Variants in AKAP13 observed in about 807,000 individuals in gnomAD.
AKAP13 encodes A-kinase anchor protein 13.
AKAP13 carries 80 observed loss-of-function variants against 264.5 expected under a neutral mutation model. The observed-to-expected ratio is 0.30, with a 90% CI of 0.25 to 0.36. The LOEUF is 0.36. Ranked by LOEUF, AKAP13 falls within the 10% of genes least tolerant of loss-of-function variation. The pLI is 1.00. For missense variants in AKAP13, 3,712 were observed against 3,435.2 expected (o/e 1.08, Z -2.01); for synonymous variants, 1,380 against 1,250.2 (o/e 1.10, Z -2.19).
rs143127264 is a variant in AKAP13 at position 85,727,932 on chromosome 15, T to C, written c.7087+469T>C. 5.4e-4 allele frequency among the ~76,000 whole-genome samples: 83 copies of C among 152,354 alleles called. No homozygotes were observed. The East Asian group carries it at 0.012, about 22-fold the overall frequency. On this transcript the variant is annotated intron_variant, in intron 29 of 36. Transcript: ENST00000394518. The surrounding 1 kb of genome is among the most constrained non-coding windows in gnomAD (Gnocchi z 5.3). ...GGTGAAGTTTTGGGAGCAGGGTATG[T>C]ATCAATCTATGTTTGACCCTTATTT...
Position 85,730,725 on chromosome 15 carries a change from T to C in AKAP13, c.7282+18T>C, listed in dbSNP as rs552309216. ...AAATGAGGGTAATTAACATTCAGCA[T>C]TGCCCCCTCTTCATCTACTCCCAGA... On this transcript the variant is annotated intron_variant, in intron 30 of 36. Transcript: ENST00000394518. The C allele has an allele frequency of 1.2e-5, 19 of 1,597,984 alleles. No individual in the cohort carries two copies. In the South Asian group the frequency reaches 1.9e-4, roughly 16 times the overall value.
intron 2 of AKAP13, among the ~76,000 whole-genome samples, chr15:85,497,948 A>G (rs2075919996): frequency 6.6e-6 from 1 of 151,898 alleles, no homozygotes; most frequent in African/African-American, 2.4e-5. Flanking sequence ...TCACCGTTAC[A>G]GCACACAGAA....
intron 2 of AKAP13, among the ~76,000 whole-genome samples, 176 bp downstream of exon 2, chr15:85,485,929 T>C (rs1389906250): frequency 1.3e-5 from 2 of 152,254 alleles, no homozygotes; most frequent in African/African-American, 4.8e-5. Context: ...ACTAAATGGC[T>C]AATCTGTGCA....
intron 1 of AKAP13, among the ~76,000 whole-genome samples, chr15:85,454,120 T>G (rs1196194355): frequency 6.6e-6 from 1 of 152,192 alleles, no homozygotes; most frequent in Non-Finnish European, 1.5e-5. Flanking sequence ...AAGTGGGTCC[T>G]GTGGGCTCTT....
chr15:85,648,067 C>T (rs970687864), intron 10 of AKAP13, among the ~76,000 whole-genome samples: 3 of 151,792 alleles, frequency 2.0e-5, no homozygotes, highest in African/African-American at 4.8e-5. Context: ...ATTTCCACTG[C>T]GACTTTCGAG....
intron 4 of AKAP13, among the ~76,000 whole-genome samples, chr15:85,537,287 A>G (rs2077433969): frequency 6.6e-6 from 1 of 152,238 alleles, no homozygotes; most frequent in African/African-American, 2.4e-5. Flanking sequence ...ATAGGTATTT[A>G]AAGGAGAAAG....
At chr15:85,451,735 CT>C (rs778722302) in intron 1 of AKAP13, among the ~76,000 whole-genome samples, 10 of 152,254 alleles carry the variant, frequency 6.6e-5, no homozygotes, top group Non-Finnish European at 1.3e-4. Context: ...GAGAGATCCA[CT>C]GTTAGCCTGA....
In AKAP13 at chr15:85,428,480, T is replaced by A. The variant is rs375090675; in HGVS notation, c.-12+47682T>A. Among the ~76,000 whole-genome samples the A allele has an allele frequency of 1.4e-4, 22 of 152,364 alleles. No homozygotes were observed. The East Asian group carries it at 3.7e-3, about 25-fold the overall frequency. The stretch of plus-strand genomic sequence containing the variant: ...TCCCAAAGTGCTGGGATTACAGGCA[T>A]GAGCCACCTCGCCTGGCCTTACCCT... On this transcript the variant is annotated intron_variant, in intron 1 of 36. Transcript: ENST00000394518.
At chr15:85,624,291 G>T (rs989503860) in intron 8 of AKAP13, among the ~76,000 whole-genome samples, 2 of 152,144 alleles carry the variant, frequency 1.3e-5, no homozygotes, top group African/African-American at 4.8e-5. Flanking sequence ...TAAAAGATTT[G>T]CAACTGTGTT....
intron 5 of AKAP13, among the ~76,000 whole-genome samples, chr15:85,572,232 C>A (rs1450966437): frequency 6.6e-6 from 1 of 152,084 alleles, no homozygotes; most frequent in Non-Finnish European, 1.5e-5. Flanking sequence ...GTATATAAAG[C>A]AGGTTTTGTT....
chr15:85,719,920 A>C lies in AKAP13; in HGVS notation c.6252+594A>C, dbSNP rs988013192. Reference sequence around the variant, plus strand: ...ACAGAGTGATACTCTGTCTCAAAAAAAAAAAAATTGAAAATTATTTAAATA... The same window carrying C: ...ACAGAGTGATACTCTGTCTCAAAAACAAAAAAATTGAAAATTATTTAAATA... On this transcript the variant is annotated intron_variant, in intron 23 of 36. Transcript: ENST00000394518. Among the ~76,000 whole-genome samples the C allele has an allele frequency of 2.0e-5, 3 of 151,830 alleles. No individual in the cohort carries two copies. In the East Asian group the frequency reaches 5.8e-4, roughly 29 times the overall value.
intron 27 of AKAP13, 178 bp from the exon 28 acceptor site, chr15:85,726,888 C>CT (rs901500451): frequency 2.9e-6 from 2 of 680,294 alleles, no homozygotes; most frequent in East Asian, 2.8e-5. Flanking sequence ...CTTTTGAAAT[C>CT]TTTTTTTGTT....
At chr15:85,740,738 AACCCACCC>A (rs1374371728) in intron 34 of AKAP13, among the ~76,000 whole-genome samples, 2 of 127,584 alleles carry the variant, frequency 1.6e-5, no homozygotes, top group African/African-American at 3.1e-5. Flanking sequence ...ACACACACAC[AACCCACCC>A]ACCCACACAG....
At chr15:85,464,098 C>T (rs916240668) in intron 1 of AKAP13, among the ~76,000 whole-genome samples, 2 of 152,214 alleles carry the variant, frequency 1.3e-5, no homozygotes, top group East Asian at 1.9e-4. Flanking sequence ...CTTTCCCACA[C>T]GGCGTCTATG....
chr15:85,638,818 G>A (rs1049335792), intron 8 of AKAP13, among the ~76,000 whole-genome samples: 4 of 151,732 alleles, frequency 2.6e-5, no homozygotes, highest in African/African-American at 4.8e-5. Flanking sequence ...GTGCAGTGGC[G>A]CGATCTCTGC....
Position 85,645,850 on chromosome 15 carries a change from A to G in AKAP13, c.4270A>G (p.Arg1424Gly), listed in dbSNP as rs768604352. Residue 1424 changes from arginine (R) to glycine (G), a missense_variant, in exon 10 of 37, where the codon AGA (arginine) becomes GGA (glycine). Physicochemically the swap from Arg to Gly is moderately radical, Grantham distance 125. Coordinates refer to ENST00000394518, the MANE Select transcript of AKAP13 (RefSeq NM_007200.5). ...CENFLDVGLG[R>G]ECTSKQGVLK... ...GAACTTCCTGGATGTTGGACTGGGC[A>G]GAGAGTGTACCTCAAAACAAGGTGT... 1 of 1,612,048 alleles carries G rather than the reference A, an allele frequency of 6.2e-7. No homozygotes were observed. The highest frequency in any genetic ancestry group is 1.1e-5 in the South Asian group (1 of 91,046).
chr15:85,735,845 T>C (rs554384871), intron 32 of AKAP13, among the ~76,000 whole-genome samples: 8 of 152,366 alleles, frequency 5.3e-5, no homozygotes, highest in Non-Finnish European at 7.3e-5. Context: ...GCAGTGTGTT[T>C]ACATTCATAA....
chr15:85,472,177 G>A (rs1423779128), intron 1 of AKAP13, among the ~76,000 whole-genome samples: 1 of 148,150 alleles, frequency 6.7e-6, no homozygotes, highest in African/African-American at 2.5e-5. Flanking sequence ...TTAGATCTGA[G>A]TTTAAAGTCA....
chr15:85,592,135 A>C (rs1224243988), intron 8 of AKAP13, among the ~76,000 whole-genome samples: 1 of 142,680 alleles, frequency 7.0e-6, no homozygotes, highest in East Asian at 2.0e-4. Flanking sequence ...AACAGTATTC[A>C]TGTTTTTTTC....
Sources: allele counts gnomAD v4.1 joint callset (sites outside exome capture counted in the v4.1 genomes callset), GRCh38; gene constraint gnomAD v4.1.1; non-coding constraint Gnocchi (gnomAD v3.1); transcripts MANE v1.5; gene names NCBI Gene and HGNC (gene_info 2026-07-23, HGNC 2026-07-21).